The following XKR9 variants were observed in gnomAD, a reference collection of about 807,000 sequenced individuals.
The protein encoded by XKR9 is XK related 9.
Under a neutral mutation model 32.0 loss-of-function variants are expected in XKR9, and 32 were observed. The ratio of observed to expected loss-of-function variants is 1.00; its 90% CI spans 0.76 to 1.34. The LOEUF (loss-of-function observed/expected upper bound fraction) is 1.34. Ranked by LOEUF, XKR9 falls within the 40% of genes most tolerant of loss-of-function variation. The probability of loss-of-function intolerance (pLI) is 0.00; values close to 1 mark genes in which losing one functional copy is unlikely to be tolerated. For synonymous variants in XKR9, 168 were observed against 143.4 expected (o/e 1.17, Z -1.22); for missense variants, 546 against 429.7 (o/e 1.27, Z -2.39).
the XKR9 span, among the ~76,000 whole-genome samples, chr8:70,985,186 G>C: frequency 6.6e-6 from 1 of 152,084 alleles, no homozygotes; most frequent in Non-Finnish European, 1.5e-5. Context: ...CTAAAATTTG[G>C]CATGTGATGT....
chr8:70,960,712 A>G, the XKR9 span, among the ~76,000 whole-genome samples: 3 of 151,576 alleles, frequency 2.0e-5, no homozygotes, highest in Non-Finnish European at 4.4e-5. Flanking sequence ...TACAAAAAAT[A>G]GAAAAAAAAA....
chr8:70,918,776 T>C, the XKR9 span, among the ~76,000 whole-genome samples: 27 of 109,010 alleles, frequency 2.5e-4, 1 homozygote, highest in African/African-American at 8.5e-4. Context: ...TCCTTTTTTT[T>C]TTTTTTTTTT....
At chr8:70,787,012 G>A (rs1036195669) in intron 2 of XKR9, among the ~76,000 whole-genome samples, 28 of 152,186 alleles carry the variant, frequency 1.8e-4, no homozygotes, top group African/African-American at 5.8e-4. Flanking sequence ...CTCTTGGAAC[G>A]AGATATTAAC....
At chr8:70,686,427 A>G (rs1471560611) in intron 3 of XKR9, among the ~76,000 whole-genome samples, 1 of 150,650 alleles carries the variant, frequency 6.6e-6, no homozygotes, top group Non-Finnish European at 1.5e-5. Flanking sequence ...ATATATATAT[A>G]TATATTTGGT....
chr8:71,053,061 A>T, the XKR9 span, among the ~76,000 whole-genome samples: 2 of 152,230 alleles, frequency 1.3e-5, no homozygotes, highest in African/African-American at 4.8e-5. Context: ...TATAGGTAAG[A>T]GCTAGGAAAT....
At chr8:70,963,038 G>A in the XKR9 span, among the ~76,000 whole-genome samples, 13 of 152,100 alleles carry the variant, frequency 8.5e-5, no homozygotes, top group Non-Finnish European at 1.5e-4. Flanking sequence ...GTAAACATGT[G>A]CCTTGGTGGT....
chr8:70,946,215 A>G, the XKR9 span, among the ~76,000 whole-genome samples: 1 of 152,222 alleles, frequency 6.6e-6, no homozygotes, highest in Non-Finnish European at 1.5e-5. Flanking sequence ...AACTCTAAGT[A>G]GCTCTTTCCC....
chr8:71,050,899 A>G, the XKR9 span, among the ~76,000 whole-genome samples: 1 of 152,196 alleles, frequency 6.6e-6, no homozygotes, highest in Non-Finnish European at 1.5e-5. Context: ...ACAGAAAGCA[A>G]ATTCTAAAAG....
chr8:70,866,388 G>A, the XKR9 span, among the ~76,000 whole-genome samples: 1 of 152,126 alleles, frequency 6.6e-6, no homozygotes, highest in Non-Finnish European at 1.5e-5. Flanking sequence ...CAGCATATGG[G>A]GATAGGGAAA....
intron 2 of XKR9, among the ~76,000 whole-genome samples, chr8:70,786,957 T>C (rs1179152165): frequency 2.0e-5 from 3 of 152,162 alleles, no homozygotes; most frequent in Admixed American, 1.3e-4. Context: ...GGTTTGTGGT[T>C]ACCAAAATGT....
chr8:70,704,636 C>T (rs1805656573), intron 3 of XKR9, among the ~76,000 whole-genome samples: 2 of 152,140 alleles, frequency 1.3e-5, no homozygotes, highest in South Asian at 4.1e-4. Context: ...AACTACTTTG[C>T]TCTGCTACCT....
the XKR9 span, among the ~76,000 whole-genome samples, chr8:70,844,231 G>A: frequency 6.6e-6 from 1 of 152,222 alleles, no homozygotes; most frequent in Non-Finnish European, 1.5e-5. Flanking sequence ...GCAGCTGAGG[G>A]CCAAAGTGCA....
At chr8:70,860,805 G>C in the XKR9 span, among the ~76,000 whole-genome samples, 1 of 151,938 alleles carries the variant, frequency 6.6e-6, no homozygotes, top group Non-Finnish European at 1.5e-5. Context: ...CTTTGGACTT[G>C]GTTGTGTGAC....
chr8:71,029,264 A>G, the XKR9 span, among the ~76,000 whole-genome samples: 2 of 152,220 alleles, frequency 1.3e-5, no homozygotes, highest in Admixed American at 6.5e-5. Context: ...AAAAGATTAA[A>G]TGGAACAAAT....
At chr8:70,807,462 G>A in the XKR9 span, among the ~76,000 whole-genome samples, 19 of 152,144 alleles carry the variant, frequency 1.2e-4, no homozygotes, top group African/African-American at 4.3e-4. Flanking sequence ...AAAAGACACA[G>A]AGTGGCAAAT....
At chr8:70,910,418 C>T in the XKR9 span, among the ~76,000 whole-genome samples, 1 of 152,068 alleles carries the variant, frequency 6.6e-6, no homozygotes, top group African/African-American at 2.4e-5. Context: ...GCTCCAGTTT[C>T]CTAGTATGTA....
At chr8:70,722,489 C>T (rs1806316498) in intron 4 of XKR9, among the ~76,000 whole-genome samples, 1 of 152,066 alleles carries the variant, frequency 6.6e-6, no homozygotes, top group African/African-American at 2.4e-5. Flanking sequence ...TAAGGTATGC[C>T]TGGTGGTGAC....
chr8:70,989,954 C>T, the XKR9 span, among the ~76,000 whole-genome samples: 1 of 152,134 alleles, frequency 6.6e-6, no homozygotes, highest in Non-Finnish European at 1.5e-5. Flanking sequence ...TTTTGTGTCT[C>T]GCTAATTTCA....
intron 4 of XKR9, among the ~76,000 whole-genome samples, chr8:70,720,454 T>C (rs1301813495): frequency 6.6e-6 from 1 of 152,204 alleles, no homozygotes; most frequent in Non-Finnish European, 1.5e-5. Flanking sequence ...ATAGCTCTTA[T>C]TATTTTGAGA....
Sources: allele counts gnomAD v4.1 joint callset (sites outside exome capture counted in the v4.1 genomes callset), GRCh38; gene constraint gnomAD v4.1.1; transcripts MANE v1.5; gene names NCBI Gene and HGNC (gene_info 2026-07-23, HGNC 2026-07-21).